Variants in YJU2B observed in about 807,000 individuals in gnomAD.
YJU2B encodes the protein probable splicing factor YJU2B.
A neutral mutation model predicts 38.0 loss-of-function variants in YJU2B; 18 were observed. The observed-to-expected ratio is 0.47, with a 90% CI of 0.33 to 0.70. The LOEUF is 0.70. Ranked by LOEUF, YJU2B falls within the 30% of genes least tolerant of loss-of-function variation. The probability of loss-of-function intolerance (pLI) is 0.02; values close to 1 mark genes in which losing one functional copy is unlikely to be tolerated. For synonymous variants in YJU2B, 246 were observed against 225.4 expected (o/e 1.09, Z -0.82); for missense variants, 538 against 556.3 (o/e 0.97, Z 0.33).
chr19:13,756,413 GT>G, intron 4 of YJU2B, 134 bp downstream of exon 4: 1 of 689,274 alleles, frequency 1.5e-6, no homozygotes. Flanking sequence ...GTATCAGTCA[GT>G]TATTGCCGTG....
chr19:13,736,275 T>C (rs1211848133), intron 2 of YJU2B, among the ~76,000 whole-genome samples: 14 of 85,904 alleles, frequency 1.6e-4, no homozygotes, highest in Admixed American at 1.3e-3. Context: ...TTTTTTTTTT[T>C]TGTGACGGAG....
Position 13,758,963 on chromosome 19 carries a change from A to G in YJU2B, c.353A>G (p.Lys118Arg). 2 of 1,613,964 alleles carry G rather than the reference A, an allele frequency of 1.2e-6. No homozygotes were observed. The highest frequency in any genetic ancestry group is 1.7e-6 in the Non-Finnish European group (2 of 1,179,944). ...DYVIVSGAQR[K>R]EERWDMADNE... ...GTGATCGTGAGTGGCGCCCAGCGCA[A>G]GGAGGAGCGCTGGGACATGGCGGAC... Residue 118 changes from lysine to arginine, a missense_variant, in exon 7 of 10, where the codon AAG becomes AGG. By Grantham distance (26) the Lys-to-Arg change is conservative (BLOSUM62 2). Around this residue, in one of 2 missense-constraint regions of YJU2B, gnomAD observed 488 missense variants for 469.5 expected, o/e 1.04. Transcript: ENST00000221554.
chr19:13,748,916 A>G (rs1198333251), intron 1 of YJU2B, among the ~76,000 whole-genome samples: 2 of 152,228 alleles, frequency 1.3e-5, no homozygotes, highest in African/African-American at 4.8e-5. Flanking sequence ...AGGTGAGGGT[A>G]GAACAGTTTA....
In YJU2B at chr19:13,760,999, C is replaced by T. The variant is rs538573674; in HGVS notation, c.574-1300C>T. On this transcript the variant is annotated intron_variant, in intron 8 of 9. Coordinates refer to ENST00000221554, the MANE Select transcript of YJU2B (RefSeq NM_030818.4). ...GGCCAGGCTGGTCTCGAAATCCTGG[C>T]CTCATGTGATCCACCCACCTCAACC... is the stretch of plus-strand genomic sequence containing the variant. 2.0e-5 allele frequency among the ~76,000 whole-genome samples: 3 copies of T among 152,100 alleles called. No individual in the cohort carries two copies. In the East Asian group the frequency reaches 5.9e-4, roughly 30 times the overall value.
chr19:13,745,805 G>A (rs984545586), upstream of YJU2B, among the ~76,000 whole-genome samples: 3 of 150,690 alleles, frequency 2.0e-5, no homozygotes, highest in African/African-American at 4.9e-5. Context: ...CCCTGTCTTT[G>A]ATAAATTGCC....
Position 13,762,672 on chromosome 19 carries a change from C to T in YJU2B, c.795C>T (p.Ser265=). The T allele has an allele frequency of 6.3e-7, 1 of 1,590,418 alleles. No homozygotes were observed. Among genetic ancestry groups the T allele is most frequent in the South Asian group, 1.1e-5 (1 of 89,698 alleles). The change falls in exon 10 of 10, where the codon AGC becomes AGT. Residue 265 remains serine (S), a synonymous_variant. Coordinates refer to ENST00000221554, the MANE Select transcript of YJU2B (RefSeq NM_030818.4). The part of the protein sequence containing the change: ...WFPSAPGSAS[S]SKVSGVLKKL... The stretch of plus-strand genomic sequence containing the variant: ...CCTCTGCCCCCGGATCCGCCTCCAG[C>T]AGCAAGGTCAGCGGCGTCCTGAAGA...
intron 2 of YJU2B, among the ~76,000 whole-genome samples, chr19:13,752,145 G>T (rs1245754639): frequency 6.6e-6 from 1 of 151,950 alleles, no homozygotes; most frequent in East Asian, 1.9e-4. Flanking sequence ...AGTAGAGACG[G>T]GGTTTTGCCA....
intron 2 of YJU2B, among the ~76,000 whole-genome samples, chr19:13,754,080 G>A (rs1239174305): frequency 1.3e-5 from 2 of 152,130 alleles, no homozygotes. Flanking sequence ...GCTGAGGCAG[G>A]AGAATCGCCT....
intron 3 of YJU2B, among the ~76,000 whole-genome samples, chr19:13,755,959 A>C (rs1973650565): frequency 6.6e-6 from 1 of 152,188 alleles, no homozygotes; most frequent in Non-Finnish European, 1.5e-5. Flanking sequence ...ACTCCATCTC[A>C]AAAAATAAAT....
chr19:13,761,800 C>T (rs968896212), intron 8 of YJU2B, among the ~76,000 whole-genome samples: 6 of 151,730 alleles, frequency 4.0e-5, no homozygotes, highest in East Asian at 3.9e-4. Flanking sequence ...CTCAGCCCAC[C>T]GCAACCTCCA....
intron 2 of YJU2B, among the ~76,000 whole-genome samples, chr19:13,738,892 C>CAAA (rs527948929): frequency 1.8e-4 from 10 of 55,406 alleles, no homozygotes; most frequent in Non-Finnish European, 2.5e-4. Context: ...GACTCTGTCT[C>CAAA]AAAAAAAAAA....
upstream of YJU2B, among the ~76,000 whole-genome samples, chr19:13,747,259 CTG>C (rs1163641619): frequency 2.0e-5 from 3 of 152,180 alleles, no homozygotes; most frequent in Non-Finnish European, 4.4e-5. Context: ...GCGCATATCC[CTG>C]TGTTCCAATG....
rs73922732 is a variant in YJU2B at position 13,762,279 on chromosome 19, G to A, written c.574-20G>A. The A allele has an allele frequency of 8.7e-3, 14,037 of 1,611,920 alleles. 1,093 individuals are homozygous for A. In the African/African-American group the frequency reaches 0.17, roughly 19 times the overall value. ...GGCTTTGACACCCCCTATCTCTGGT[G>A]TTCTTGGCCCTCAACACAGGAAAAG... On this transcript the variant is annotated intron_variant, in intron 8 of 9. Transcript: ENST00000221554.
chr19:13,757,154 C>T (rs1402315153), intron 4 of YJU2B, among the ~76,000 whole-genome samples: 4 of 151,840 alleles, frequency 2.6e-5, no homozygotes, highest in Admixed American at 6.6e-5. Flanking sequence ...AAAAAAAAGT[C>T]GCAGCAGCAC....
upstream of YJU2B, among the ~76,000 whole-genome samples, chr19:13,747,169 G>C (rs914095452): frequency 5.9e-5 from 9 of 152,142 alleles, no homozygotes; most frequent in Non-Finnish European, 1.2e-4. Flanking sequence ...GCAGATAAGA[G>C]AAATTCAGAG....
upstream of YJU2B, chr19:13,747,808 ATCG>A (rs1973299469): frequency 6.6e-6 from 1 of 152,330 alleles, no homozygotes; most frequent in East Asian, 1.9e-4. Flanking sequence ...CGCTTGGCGT[ATCG>A]TCCTTCAGCC....
In YJU2B at chr19:13,751,766, G is replaced by A. The variant is rs1294321824; in HGVS notation, c.-43G>A. 6.2e-7 allele frequency: 1 copy of A among 1,613,408 alleles called. No homozygotes were observed. Among genetic ancestry groups the A allele is most frequent in the Non-Finnish European group, 8.5e-7 (1 of 1,179,342 alleles). Reference sequence around the variant, plus strand: ...CAGTGTGTTCACAAGGCCAGTTTCTGATCGTCCGCCCCGAGGCTGAGGACC... The same window carrying A: ...CAGTGTGTTCACAAGGCCAGTTTCTAATCGTCCGCCCCGAGGCTGAGGACC... On this transcript the variant is annotated 5_prime_UTR_variant, in exon 2 of 10. Coordinates refer to ENST00000221554, the MANE Select transcript of YJU2B (RefSeq NM_030818.4).
upstream of YJU2B, among the ~76,000 whole-genome samples, chr19:13,746,205 C>A (rs1599504361): frequency 4.6e-5 from 7 of 151,642 alleles, no homozygotes; most frequent in Admixed American, 2.6e-4. Context: ...TGAGCTGAGA[C>A]CACACCACTG....
In YJU2B at chr19:13,751,705, A is replaced by G; in HGVS notation, c.-104A>G. 1 of 1,245,912 alleles carries G rather than the reference A, an allele frequency of 8.0e-7. No individual in the cohort carries two copies. Among genetic ancestry groups the G allele is most frequent in the Non-Finnish European group, 1.2e-6 (1 of 849,652 alleles). The allele number at this position is 1,245,912 out of a possible 1,614,324, so 77.2% of individuals were successfully genotyped here. On this transcript the variant is annotated 5_prime_UTR_variant, in exon 2 of 10. Transcript: ENST00000221554. ...GACATCTTCGCAGGGAAGCCTGTGG[A>G]CCCTCTGCCAGGCTCCACAAGAGGT...
Sources: allele counts gnomAD v4.1 joint callset (sites outside exome capture counted in the v4.1 genomes callset), GRCh38; gene constraint gnomAD v4.1.1; regional missense constraint gnomAD v4.1.1; transcripts MANE v1.5; gene names NCBI Gene and HGNC (gene_info 2026-07-23, HGNC 2026-07-21).